POLE: variants seen among roughly 807,000 people sequenced by gnomAD.
The protein encoded by POLE is DNA polymerase epsilon, catalytic subunit.
In POLE, 188 loss-of-function variants were observed where a neutral mutation model predicts 279.2. That is an observed-to-expected ratio of 0.67 (90% CI 0.60 to 0.76). The LOEUF is 0.76. Ranked by LOEUF, POLE falls within the 30% of genes least tolerant of loss-of-function variation. The probability of loss-of-function intolerance (pLI) is 0.00; values close to 1 mark genes in which losing one functional copy is unlikely to be tolerated. For missense variants in POLE, 2,703 were observed against 3,016.7 expected (o/e 0.90, Z 2.44); for synonymous variants, 1,214 against 1,172.5 (o/e 1.04, Z -0.72).
Position 132,649,826 on chromosome 12 carries a change from C to T in POLE, c.3646G>A (p.Gly1216Ser), listed in dbSNP as rs200114024. Residue 1216 changes from glycine (G) to serine (S), a missense_variant, in exon 30 of 49, where the codon GGC (glycine) becomes AGC (serine). Around this residue, in one of 5 missense-constraint regions of POLE, gnomAD observed 1,551 missense variants for 1,686.1 expected, o/e 0.92. Transcript: ENST00000320574. ...RPSAPDMEDFGLVKLPHPAAP... is the reference protein window; with the variant it reads ...RPSAPDMEDFSLVKLPHPAAP... ...GCTGGGTGAGGCAGCTTTACGAGGC[C>T]GAAGTCCTCCATGTCAGGAGCACTT... 120 of 1,614,002 alleles carry T rather than the reference C, an allele frequency of 7.4e-5. No individual in the cohort carries two copies. The highest frequency in any genetic ancestry group is 9.3e-5 in the African/African-American group (7 of 74,926).
In POLE at chr12:132,680,640, G is replaced by C; in HGVS notation, c.252C>G (p.Tyr84Ter). 1 of 1,614,066 alleles carries C rather than the reference G, an allele frequency of 6.2e-7. No individual in the cohort carries two copies. Among genetic ancestry groups the C allele is most frequent in the Non-Finnish European group, 8.5e-7 (1 of 1,179,940 alleles). The change falls in exon 3 of 49, where the codon TAC becomes TAG. Residue 84 changes from tyrosine to a stop codon, truncating the protein, a stop_gained. Coordinates refer to ENST00000320574, the MANE Select transcript of POLE (RefSeq NM_006231.4). LOFTEE classifies it high-confidence loss of function. ...TGCTTCCGTCATCTTGAATAAAGTA[G>C]TAATCCACTGCACTGCCTAAGCGCT... Reference protein sequence around the residue: ...EDKRLGSAVDYYFIQDDGSRF... With the variant: ...EDKRLGSAVD
chr12:132,681,640 A>G (rs1216133245), intron 1 of POLE, among the ~76,000 whole-genome samples: 3 of 152,176 alleles, frequency 2.0e-5, no homozygotes, highest in African/African-American at 7.2e-5. Context: ...TGTTTCGGAT[A>G]TGACAGGGTA....
chr12:132,659,432 G>A lies in POLE; in HGVS notation c.3138C>T (p.Tyr1046=), dbSNP rs779628723. The A allele has an allele frequency of 8.1e-6, 13 of 1,614,202 alleles. No individual in the cohort carries two copies. Among genetic ancestry groups the A allele is most frequent in the South Asian group, 6.6e-5 (6 of 91,086 alleles). The stretch of plus-strand genomic sequence containing the variant: ...TGATGGACGTAGACTTCTGCTCCCC[G>A]TAATCTTCCAGCTTCCGAGACATGG... ...NRSMSRKLED[Y]GEQKSTSIST... The change falls in exon 26 of 49, where the codon TAC becomes TAT. Residue 1046 remains tyrosine (Y), a synonymous_variant. Transcript: ENST00000320574.
chr12:132,659,378 C>A lies in POLE; in HGVS notation c.3192G>T (p.Leu1064=). 6.2e-7 allele frequency: 1 copy of A among 1,614,222 alleles called. No individual in the cohort carries two copies. Among genetic ancestry groups the A allele is most frequent in the African/African-American group, 1.3e-5 (1 of 75,064 alleles). Reference sequence around the variant, plus strand: ...CTGCATCCTTGACCATCTGGTCTCCCAGGAACTCGGCCAGGCGCTTTGCTG... The same window carrying A: ...CTGCATCCTTGACCATCTGGTCTCCAAGGAACTCGGCCAGGCGCTTTGCTG... ...ISTAKRLAEF[L]GDQMVKDAGL... The change falls in exon 26 of 49, where the codon CTG becomes CTT. Residue 1064 remains leucine, a synonymous_variant. Coordinates refer to ENST00000320574, the MANE Select transcript of POLE (RefSeq NM_006231.4).
chr12:132,661,206 C>T lies in POLE; in HGVS notation c.2865-42G>A, dbSNP rs1272985704. ...AGGCAAGCACAGCAGTGGCAAGGAG[C>T]GCTGGGGAGCCACCAGCTGTGCCTC... On this transcript the variant is annotated intron_variant, in intron 24 of 48. Transcript: ENST00000320574. The surrounding 1 kb of genome is among the most constrained non-coding windows in gnomAD (Gnocchi z 4.1). 12 of 1,522,450 alleles carry T rather than the reference C, an allele frequency of 7.9e-6. No homozygotes were observed. Among genetic ancestry groups the T allele is most frequent in the Middle Eastern group, 1.9e-4 (1 of 5,276 alleles). The allele number at this position is 1,522,450 out of a possible 1,614,324, so 94.3% of individuals were successfully genotyped here. A position where few individuals can be genotyped will look rare whatever the true frequency, so the allele number is the denominator to read the frequency against.
chr12:132,685,485 G>A (rs929134435), intron 1 of POLE, among the ~76,000 whole-genome samples: 2 of 152,238 alleles, frequency 1.3e-5, no homozygotes, highest in Admixed American at 1.3e-4. Context: ...CTGCCTCCTG[G>A]GGCACACTCA....
chr12:132,665,705 G>A (rs896633781), intron 20 of POLE, among the ~76,000 whole-genome samples: 13 of 152,042 alleles, frequency 8.6e-5, no homozygotes, highest in African/African-American at 3.1e-4. Flanking sequence ...CATCCTAAAC[G>A]CTTCAGCACA....
chr12:132,680,471 G>A, intron 3 of POLE, 136 bp downstream of exon 3: 1 of 714,836 alleles, frequency 1.4e-6, no homozygotes, highest in Non-Finnish European at 2.4e-6. Flanking sequence ...ATGACTGATG[G>A]GGCCTCCAGG....
intron 8 of POLE, among the ~76,000 whole-genome samples, chr12:132,677,047 A>C (rs1303767604): frequency 6.6e-6 from 1 of 152,208 alleles, no homozygotes; most frequent in Non-Finnish European, 1.5e-5. Context: ...TGTTTGAACC[A>C]AGGCCTTCTA....
chr12:132,673,105 A>G, intron 14 of POLE, 59 bp downstream of exon 14: 1 of 1,131,870 alleles, frequency 8.8e-7, no homozygotes, highest in South Asian at 1.2e-5. Flanking sequence ...GCTCCAGTGC[A>G]TTTGGAATGG....
chr12:132,647,642 G>A (rs947020522), intron 32 of POLE, among the ~76,000 whole-genome samples: 45 of 152,038 alleles, frequency 3.0e-4, no homozygotes, highest in Admixed American at 2.9e-3. Flanking sequence ...CCAGTCAAAC[G>A]TTGAGGACAG....
rs908278461 is a variant in POLE at position 132,663,900 on chromosome 12, G to C, written c.2706+104C>G. On this transcript the variant is annotated intron_variant, in intron 23 of 48. Transcript: ENST00000320574. ...TAGAAAAGCAATGTGAGCAGTGCTGGGTGCCAGGAAGGCATGCACACTGTG... is the reference window on the plus strand; with the variant it reads ...TAGAAAAGCAATGTGAGCAGTGCTGCGTGCCAGGAAGGCATGCACACTGTG... The C allele has an allele frequency of 3.3e-6, 4 of 1,211,964 alleles. No homozygotes were observed. The African/African-American group carries it at 4.5e-5, about 13-fold the overall frequency. 75.1% of individuals were successfully genotyped at this position (1,211,964 alleles called of 1,614,324 possible).
In POLE at chr12:132,672,338, G is replaced by A. The variant is rs530732187; in HGVS notation, c.1687-16C>T. 1.9e-6 allele frequency: 3 copies of A among 1,601,574 alleles called. No homozygotes were observed. In the African/African-American group the frequency reaches 4.0e-5, roughly 21 times the overall value. ...CGGCAGGATTCTAGCACAACAGTGAGACGACGGGGTCAGAGGGGAAACACA... is the reference window on the plus strand; with the variant it reads ...CGGCAGGATTCTAGCACAACAGTGAAACGACGGGGTCAGAGGGGAAACACA... On this transcript the variant is annotated splice_polypyrimidine_tract_variant and intron_variant, in intron 15 of 48. Transcript: ENST00000320574.
intron 16 of POLE, among the ~76,000 whole-genome samples, chr12:132,669,882 C>T (rs5744792): frequency 0.51 from 77,600 of 151,982 alleles, 20,589 homozygotes; most frequent in East Asian, 0.7. Flanking sequence ...CTTTCAAGGG[C>T]ACTTGCGAGG....
chr12:132,637,405 C>T (rs59385382), intron 41 of POLE, among the ~76,000 whole-genome samples: 1 of 152,206 alleles, frequency 6.6e-6, no homozygotes, highest in South Asian at 2.1e-4. Flanking sequence ...GTGAGCGCAC[C>T]TAGGAGGGAG....
At chr12:132,682,064 G>C (rs550451494) in intron 1 of POLE, among the ~76,000 whole-genome samples, 1 of 152,256 alleles carries the variant, frequency 6.6e-6, no homozygotes, top group Admixed American at 6.5e-5. Flanking sequence ...GGGAGGCCGA[G>C]GCGGGCGGAT....
At position 132,661,579 on chromosome 12, in the gene POLE, G is replaced by A. The variant is rs773475133; in HGVS notation, c.2812C>T (p.Leu938Phe). ...SIFFEVDGPY[L>F]AMILPASKEE... ...TTGGAGGCTGGAAGAATCATGGCAA[G>A]GTAGGGCCCATCAACCTCAAAAAAG... Residue 938 changes from leucine to phenylalanine, a missense_variant, in exon 24 of 49, where the codon CTT (leucine) becomes TTT (phenylalanine). This residue lies in a region of POLE where 101 missense variants were observed against 115.4 expected (regional missense o/e 0.87). Coordinates refer to ENST00000320574, the MANE Select transcript of POLE (RefSeq NM_006231.4). The surrounding 1 kb of genome is among the most constrained non-coding windows in gnomAD (Gnocchi z 4.1). 1.7e-5 allele frequency: 28 copies of A among 1,614,210 alleles called. No individual in the cohort carries two copies. Among genetic ancestry groups the A allele is most frequent in the Non-Finnish European group, 2.3e-5 (27 of 1,180,038 alleles).
chr12:132,638,114 C>G lies in POLE; in HGVS notation c.5578G>C (p.Gly1860Arg), dbSNP rs144343630. 5.6e-6 allele frequency: 9 copies of G among 1,613,722 alleles called. No homozygotes were observed. In the African/African-American group the frequency reaches 1.2e-4, roughly 22 times the overall value. ...LQLIAEFKRLGSSVIYANFNR... is the reference protein window; with the variant it reads ...LQLIAEFKRLRSSVIYANFNR... ...AAGTTGGCGTAGATGACTGATGACCCCAGGCGCTTGAACTCAGCGATGAGC... is the reference window on the plus strand; with the variant it reads ...AAGTTGGCGTAGATGACTGATGACCGCAGGCGCTTGAACTCAGCGATGAGC... The change falls in exon 41 of 49, where the codon GGG (glycine) becomes CGG (arginine). Residue 1860 changes from glycine to arginine, a missense_variant. Transcript: ENST00000320574.
chr12:132,681,370 G>A (rs2136035789), intron 1 of POLE, 91 bp from the exon 2 acceptor site: 2 of 1,358,598 alleles, frequency 1.5e-6, no homozygotes, highest in African/African-American at 1.5e-5. Flanking sequence ...TTGAGACGGA[G>A]TCTTGCTCTG....
Sources: gnomAD v4.1 joint callset for allele counts (sites outside exome capture counted in the v4.1 genomes callset) on GRCh38, gnomAD v4.1.1 for gene constraint, gnomAD v4.1.1 regional missense constraint, Gnocchi (gnomAD v3.1) non-coding constraint, MANE v1.5 for transcripts, NCBI Gene and HGNC (gene_info 2026-07-23, HGNC 2026-07-21) for gene names.